MMP16: variants seen among roughly 807,000 people sequenced by gnomAD.
MMP16 encodes the protein matrix metalloproteinase-16.
A neutral mutation model predicts 67.8 loss-of-function variants in MMP16; 12 were observed. The observed-to-expected ratio is 0.18, with a 90% CI of 0.11 to 0.29. MMP16 has a LOEUF of 0.29. MMP16 is among the 10% of genes least tolerant of loss of function. MMP16 has a pLI of 1.00. For missense variants in MMP16, 475 were observed against 765.7 expected (o/e 0.62, Z 4.48); for synonymous variants, 249 against 255.9 (o/e 0.97, Z 0.26).
At chr8:88,170,988 G>A (rs1586187618) in intron 3 of MMP16, among the ~76,000 whole-genome samples, 1 of 152,092 alleles carries the variant, frequency 6.6e-6, no homozygotes, top group East Asian at 1.9e-4. Flanking sequence ...TTGTTCATGG[G>A]GATTGGTGAT....
intron 6 of MMP16, among the ~76,000 whole-genome samples, chr8:88,113,583 T>C (rs531351360): frequency 6.6e-6 from 1 of 151,938 alleles, no homozygotes; most frequent in African/African-American, 2.4e-5. Flanking sequence ...AGATCAGATA[T>C]GGGGTAATGA....
intron 1 of MMP16, among the ~76,000 whole-genome samples, chr8:88,289,715 C>T (rs1223024520): frequency 6.6e-6 from 1 of 151,584 alleles, no homozygotes; most frequent in Admixed American, 6.6e-5. Context: ...CACACACACA[C>T]ACACACACAC....
At chr8:88,323,077 T>C (rs1054046376) in intron 1 of MMP16, among the ~76,000 whole-genome samples, 15 of 152,302 alleles carry the variant, frequency 9.8e-5, no homozygotes, top group Admixed American at 5.2e-4. Flanking sequence ...TAGAAACTGC[T>C]ACAGTGGAGA....
intron 1 of MMP16, among the ~76,000 whole-genome samples, chr8:88,251,368 A>C (rs1810217859): frequency 6.6e-6 from 1 of 150,790 alleles, no homozygotes; most frequent in Admixed American, 6.6e-5. Context: ...TCTTTGACAA[A>C]CCTGAGAAAA....
At chr8:88,306,901 C>T (rs191168143) in intron 1 of MMP16, among the ~76,000 whole-genome samples, 41 of 152,234 alleles carry the variant, frequency 2.7e-4, no homozygotes, top group African/African-American at 9.6e-4. Flanking sequence ...CATTCCTATT[C>T]AACACAGTAT....
At chr8:88,324,208 A>G (rs1370492771) in intron 1 of MMP16, among the ~76,000 whole-genome samples, 1 of 152,188 alleles carries the variant, frequency 6.6e-6, no homozygotes, top group Non-Finnish European at 1.5e-5. Flanking sequence ...CTTCTTAAAA[A>G]ACAAGCTAAC....
At chr8:88,245,428 A>G (rs908570771) in intron 1 of MMP16, among the ~76,000 whole-genome samples, 3 of 152,178 alleles carry the variant, frequency 2.0e-5, no homozygotes, top group African/African-American at 7.2e-5. Context: ...GCATTACAGT[A>G]TTTTGACAGC....
At chr8:88,174,000 A>T (rs1808845640) in intron 3 of MMP16, among the ~76,000 whole-genome samples, 1 of 152,258 alleles carries the variant, frequency 6.6e-6, no homozygotes, top group South Asian at 2.1e-4. Flanking sequence ...AAGTTCAATG[A>T]AGTCTTTGGG....
At chr8:88,109,411 A>C (rs2118406275) in intron 6 of MMP16, among the ~76,000 whole-genome samples, 1 of 151,500 alleles carries the variant, frequency 6.6e-6, no homozygotes, top group East Asian at 1.9e-4. Flanking sequence ...AAGATAAAAT[A>C]AATAAATGCT....
chr8:88,279,635 T>G (rs1018589199), intron 1 of MMP16, among the ~76,000 whole-genome samples: 1 of 152,184 alleles, frequency 6.6e-6, no homozygotes, highest in East Asian at 1.9e-4. Flanking sequence ...GGGACCTAAC[T>G]AACTACTGTC....
intron 1 of MMP16, among the ~76,000 whole-genome samples, chr8:88,248,156 C>T (rs1810149546): frequency 6.6e-6 from 1 of 152,006 alleles, no homozygotes; most frequent in African/African-American, 2.4e-5. Context: ...TATGCACAAT[C>T]TCTATAAAAG....
chr8:88,262,873 A>AAG (rs1227970994), intron 1 of MMP16, among the ~76,000 whole-genome samples: 3 of 140,096 alleles, frequency 2.1e-5, no homozygotes, highest in Non-Finnish European at 4.7e-5. Flanking sequence ...AAAAAAAAAA[A>AAG]AATTAGCCGA....
intron 4 of MMP16, among the ~76,000 whole-genome samples, chr8:88,131,703 T>G (rs1259022622): frequency 6.6e-6 from 1 of 151,870 alleles, no homozygotes; most frequent in Non-Finnish European, 1.5e-5. Context: ...GTTTAGACTT[T>G]CCTATCCAAC....
At chr8:88,193,164 T>C (rs1809196518) in intron 2 of MMP16, among the ~76,000 whole-genome samples, 1 of 152,296 alleles carries the variant, frequency 6.6e-6, no homozygotes. Flanking sequence ...GAAATGTCTG[T>C]CAATGTGTGA....
At chr8:88,176,518 T>G (rs995451612) in intron 3 of MMP16, among the ~76,000 whole-genome samples, 1 of 152,242 alleles carries the variant, frequency 6.6e-6, no homozygotes, top group African/African-American at 2.4e-5. Flanking sequence ...TATATGGAGC[T>G]GTCTAACGTT....
At chr8:88,168,524 G>A (rs1808751300) in intron 3 of MMP16, among the ~76,000 whole-genome samples, 1 of 152,270 alleles carries the variant, frequency 6.6e-6, no homozygotes, top group South Asian at 2.1e-4. Context: ...AGTTAAAAAT[G>A]TATTGTGAGT....
At chr8:88,318,533 T>C (rs954224919) in intron 1 of MMP16, among the ~76,000 whole-genome samples, 2 of 152,196 alleles carry the variant, frequency 1.3e-5, no homozygotes, top group African/African-American at 2.4e-5. Context: ...AAATTATCCA[T>C]ACTGGGAACC....
intron 1 of MMP16, among the ~76,000 whole-genome samples, chr8:88,283,675 T>C (rs1192940846): frequency 6.6e-6 from 1 of 152,176 alleles, no homozygotes; most frequent in Non-Finnish European, 1.5e-5. Flanking sequence ...CACATTCTGC[T>C]CTTTGCAAAT....
At chr8:88,239,800 A>G (rs1440755400) in intron 1 of MMP16, among the ~76,000 whole-genome samples, 3 of 152,234 alleles carry the variant, frequency 2.0e-5, no homozygotes, top group Non-Finnish European at 2.9e-5. Context: ...GTTGAAATAA[A>G]AGTCAAAAAT....
Sources: gnomAD v4.1 joint callset for allele counts (sites outside exome capture counted in the v4.1 genomes callset) on GRCh38, gnomAD v4.1.1 for gene constraint, MANE v1.5 for transcripts, NCBI Gene and HGNC (gene_info 2026-07-23, HGNC 2026-07-21) for gene names.